Variants in CEP43 observed in about 807,000 individuals in gnomAD.
The protein encoded by CEP43 is centrosomal protein 43.
A neutral mutation model predicts 52.6 loss-of-function variants in CEP43; 36 were observed. The observed-to-expected ratio is 0.68, with a 90% CI of 0.52 to 0.90. The LOEUF (loss-of-function observed/expected upper bound fraction) is 0.90, where lower values mean the gene tolerates loss of function less well. Ranked by LOEUF, CEP43 falls within the 40% of genes least tolerant of loss-of-function variation. The pLI is 0.00. For synonymous variants in CEP43, 192 were observed against 172.4 expected, an observed-to-expected ratio of 1.11 and a Z score of -0.89; for missense variants, 506 against 472.8, an observed-to-expected ratio of 1.07 and a Z score of -0.65.
Position 167,022,431 on chromosome 6 carries a change from A to G in CEP43, c.602A>G (p.Gln201Arg). 1 of 1,613,932 alleles carries G rather than the reference A, an allele frequency of 6.2e-7. No individual in the cohort carries two copies. The highest frequency in any genetic ancestry group is 8.5e-7 in the Non-Finnish European group (1 of 1,179,858). ...GDKKANDEAN[Q>R]SDTSVSLSEP... is the part of the protein sequence containing the mutation. The stretch of plus-strand genomic sequence containing the variant: ...TAGAAGGCCAATGATGAGGCCAATC[A>G]GAGTGATACAAGTGTCTCCTTGTCA... Residue 201 changes from glutamine to arginine, a missense_variant, in exon 8 of 13, where the codon CAG becomes CGG. Physicochemically the swap from Gln to Arg is conservative, Grantham distance 43. Transcript: ENST00000366847.
rs1257566173 is a variant in CEP43, at chr6:167,022,405, C to G, written c.580-4C>G. On this transcript the variant is annotated splice_region_variant and splice_polypyrimidine_tract_variant and intron_variant, in intron 7 of 12. Coordinates refer to ENST00000366847, the MANE Select transcript of CEP43 (RefSeq NM_007045.4). Reference sequence around the variant, plus strand: ...AGGCCTTTTCTCTTTCCCTCTCTTTCTAGAAGGCCAATGATGAGGCCAATC... The same window carrying G: ...AGGCCTTTTCTCTTTCCCTCTCTTTGTAGAAGGCCAATGATGAGGCCAATC... The G allele has an allele frequency of 6.2e-7, 1 of 1,605,436 alleles. No individual in the cohort carries two copies. Among genetic ancestry groups the G allele is most frequent in the African/African-American group, 1.3e-5 (1 of 74,780 alleles).
At chr6:167,011,656 A>T (rs1779988730) in intron 6 of CEP43, 2 of 153,132 alleles carry the variant, frequency 1.3e-5, no homozygotes, top group African/African-American at 4.8e-5. Flanking sequence ...TAGATTGGGC[A>T]GCTTACAAAC....
chr6:167,023,697 C>T (rs1780290674), intron 8 of CEP43, among the ~76,000 whole-genome samples: 1 of 152,142 alleles, frequency 6.6e-6, no homozygotes, highest in South Asian at 2.1e-4. Flanking sequence ...GAGGCCAGAG[C>T]AGGGAGCTAG....
rs1324901668 is a variant in CEP43 at position 167,024,856 on chromosome 6, G to T, written c.881G>T (p.Ser294Ile). 1 of 1,611,724 alleles carries T rather than the reference G, an allele frequency of 6.2e-7. No homozygotes were observed. Among genetic ancestry groups the T allele is most frequent in the East Asian group, 2.2e-5 (1 of 44,872 alleles). Residue 294 changes from serine (S) to isoleucine (I), a missense_variant, in exon 9 of 13, where the codon AGC (serine) becomes ATC (isoleucine). Physicochemically the swap from Ser to Ile is moderately radical, Grantham distance 142. Coordinates refer to ENST00000366847, the MANE Select transcript of CEP43 (RefSeq NM_007045.4). ...SDAPPLKSGL[S>I]SLAGAPSLKD... is the part of the protein sequence containing the mutation. ...GCACCCCCCTTAAAAAGTGGACTCA[G>T]CTCCCTGGCGGGAGCCCCTTCTTTA... is the stretch of plus-strand genomic sequence containing the variant.
In CEP43 at chr6:166,999,437, G is replaced by C; in HGVS notation, c.25G>C (p.Val9Leu). The change falls in exon 1 of 13, where the codon GTG (valine) becomes CTG (leucine). Residue 9 changes from valine (V) to leucine (L), a missense_variant. Transcript: ENST00000366847. The stretch of plus-strand genomic sequence containing the variant: ...GATGGCGGCGACGGCGGCCGCAGTG[G>C]TGGCCGAGGAGGACACGGAGCTGCG... MAATAAAV[V>L]AEEDTELRDL... 1 of 1,479,434 alleles carries C rather than the reference G, an allele frequency of 6.8e-7. No homozygotes were observed. Among genetic ancestry groups the C allele is most frequent in the Non-Finnish European group, 9.0e-7 (1 of 1,112,466 alleles). 91.6% of individuals were successfully genotyped at this position (1,479,434 alleles called of 1,614,324 possible).
chr6:167,028,295 G>A (rs976587910), intron 10 of CEP43: 14 of 985,260 alleles, frequency 1.4e-5, no homozygotes, highest in Non-Finnish European at 1.6e-5. Context: ...TCCTCAGGAG[G>A]GAATGTCGTT....
rs1440192543 is a variant in CEP43 at position 167,042,279 on chromosome 6, T to TA, written c.*2304dup. 2.0e-6 allele frequency: 2 copies of TA among 1,005,016 alleles called. No individual in the cohort carries two copies. Among genetic ancestry groups the TA allele is most frequent in the Non-Finnish European group, 2.4e-6 (2 of 840,326 alleles). The allele number at this position is 1,005,016 out of a possible 1,614,324, so 62.3% of individuals were successfully genotyped here. A position where few individuals can be genotyped will look rare whatever the true frequency, so the allele number is the denominator to read the frequency against. ...GTGATGAGTGTTTTCTGTTAAAAAATAAATATTGAAATATTAACCCATTAA... is the reference window on the plus strand; with the variant it reads ...GTGATGAGTGTTTTCTGTTAAAAAATAAAATATTGAAATATTAACCCATTAA... On this transcript the variant is annotated 3_prime_UTR_variant, in exon 13 of 13. Coordinates refer to ENST00000366847, the MANE Select transcript of CEP43 (RefSeq NM_007045.4).
chr6:167,052,110 A>T lies in CEP43; in HGVS notation c.*12132A>T, dbSNP rs1300245113. 1 of 152,100 alleles carries T rather than the reference A, an allele frequency of 6.6e-6. No homozygotes were observed. Among genetic ancestry groups the T allele is most frequent in the Non-Finnish European group, 1.5e-5 (1 of 68,030 alleles). 9.4% of individuals were successfully genotyped at this position (152,100 alleles called of 1,614,324 possible). A position where few individuals can be genotyped will look rare whatever the true frequency, so the allele number is the denominator to read the frequency against. The stretch of plus-strand genomic sequence containing the variant: ...TACGTATTTCCTTAATGAATGCTTG[A>T]TGGCTCACAATCTCCTTCTCAGTTT... On this transcript the variant is annotated 3_prime_UTR_variant, in exon 13 of 13. Transcript: ENST00000366847.
At chr6:167,028,421 A>G (rs895239201) in intron 10 of CEP43, 10 of 985,310 alleles carry the variant, frequency 1.0e-5, no homozygotes, top group Non-Finnish European at 1.2e-5. Context: ...TGCAGGTGAG[A>G]ACTACCAGTT....
intron 7 of CEP43, among the ~76,000 whole-genome samples, chr6:167,019,280 A>ATACACCTGCTGTGCACACGCG (rs1385210465): frequency 6.8e-6 from 1 of 146,900 alleles, no homozygotes; most frequent in African/African-American, 2.5e-5. Context: ...GTGCACACAC[A>ATACACCTGCTGTGCACACGCG]TACACCTGCT....
intron 7 of CEP43, among the ~76,000 whole-genome samples, chr6:167,018,071 C>T (rs1181544544): frequency 2.0e-5 from 3 of 152,182 alleles, no homozygotes; most frequent in Non-Finnish European, 4.4e-5. Context: ...CTGCTAGACC[C>T]AGATGCTGTT....
chr6:167,026,563 A>T lies in CEP43; in HGVS notation c.936A>T (p.Thr312=). 6.3e-7 allele frequency: 1 copy of T among 1,592,518 alleles called. No individual in the cohort carries two copies. The highest frequency in any genetic ancestry group is 8.6e-7 in the Non-Finnish European group (1 of 1,160,300). Residue 312 remains threonine, a synonymous_variant, in exon 10 of 13, where the codon ACA becomes ACT. Coordinates refer to ENST00000366847, the MANE Select transcript of CEP43 (RefSeq NM_007045.4). ...TGTTCACAGGTAAAAGGGGAAATAC[A>T]GTTTTGAAAGATCTGAAATTGATCA... is the stretch of plus-strand genomic sequence containing the variant. ...LKDSESKRGN[T]VLKDLKLISD...
chr6:167,006,925 C>T (rs1053034268), intron 5 of CEP43, among the ~76,000 whole-genome samples: 1 of 152,222 alleles, frequency 6.6e-6, no homozygotes, highest in Non-Finnish European at 1.5e-5. Context: ...TTACTTTCTT[C>T]TCTTTACCTC....
In CEP43 at chr6:167,041,698, G is replaced by T; in HGVS notation, c.*1720G>T. 1 of 1,039,598 alleles carries T rather than the reference G, an allele frequency of 9.6e-7. No homozygotes were observed. The highest frequency in any genetic ancestry group is 4.6e-5 in the South Asian group (1 of 21,762). 64.4% of individuals were successfully genotyped at this position (1,039,598 alleles called of 1,614,324 possible). ...GGCTTTTTAAATTTATGAAACTTTC[G>T]AACAGTAGCAACTGAAATTTGTCAC... On this transcript the variant is annotated 3_prime_UTR_variant, in exon 13 of 13. Transcript: ENST00000366847.
At chr6:167,028,542 A>G (rs1780400945) in intron 10 of CEP43, 1 of 970,532 alleles carries the variant, frequency 1.0e-6, no homozygotes. Flanking sequence ...CATTTTAAAT[A>G]TACAGTACTC....
At chr6:167,004,885 C>T (rs979943747) in intron 5 of CEP43, among the ~76,000 whole-genome samples, 6 of 152,210 alleles carry the variant, frequency 3.9e-5, no homozygotes, top group African/African-American at 1.4e-4. Flanking sequence ...AGGCTTAAAA[C>T]TAAGCTGTTG....
intron 7 of CEP43, among the ~76,000 whole-genome samples, chr6:167,018,196 G>A (rs1780144477): frequency 6.6e-6 from 1 of 152,138 alleles, no homozygotes; most frequent in Admixed American, 6.5e-5. Flanking sequence ...TTAGGACCCA[G>A]GCCCACCCTA....
chr6:167,022,347 T>C, intron 7 of CEP43, 62 bp from the exon 8 acceptor site: 2 of 1,198,414 alleles, frequency 1.7e-6, no homozygotes, highest in South Asian at 2.7e-5. Context: ...TCTTTTATTA[T>C]TGAAAATATC....
intron 11 of CEP43, among the ~76,000 whole-genome samples, chr6:167,033,099 C>CTTTTT (rs71032896): frequency 1.8e-4 from 12 of 68,352 alleles, no homozygotes; most frequent in South Asian, 8.5e-4. Flanking sequence ...TTGCCATTCT[C>CTTTTT]TTTTTTTTTT....
Sources: allele counts gnomAD v4.1 joint callset (sites outside exome capture counted in the v4.1 genomes callset), GRCh38; gene constraint gnomAD v4.1.1; transcripts MANE v1.5; gene names NCBI Gene and HGNC (gene_info 2026-07-23, HGNC 2026-07-21).